Variants in CLTC observed in about 807,000 individuals in gnomAD.
CLTC encodes the protein clathrin heavy chain 1.
In CLTC, 16 loss-of-function variants were observed where a neutral mutation model predicts 195.8. The observed-to-expected ratio is 0.08, with a 90% confidence interval of 0.06 to 0.12. The LOEUF (loss-of-function observed/expected upper bound fraction) is 0.12. CLTC is among the 10% of genes least tolerant of loss of function. The pLI is 1.00. For synonymous variants in CLTC, 667 were observed against 689.4 expected (o/e 0.97, Z 0.51); for missense variants, 796 against 2,027.0 (o/e 0.39, Z 11.66).
chr17:59,654,650 C>A (rs1466505890), intron 5 of CLTC, among the ~76,000 whole-genome samples: 1 of 152,024 alleles, frequency 6.6e-6, no homozygotes, highest in Non-Finnish European at 1.5e-5. Context: ...TGGCTAATTT[C>A]TTCCGTATTT....
rs2033119700 is a variant in CLTC at position 59,683,548 on chromosome 17, C to A, written c.4191+12C>A. On this transcript the variant is annotated intron_variant, in intron 26 of 31. Transcript: ENST00000269122. The surrounding 1 kb of genome is among the most constrained non-coding windows in gnomAD (Gnocchi z 6.1). ...ATATCATTACCAAGGTGTGTACTTT[C>A]TTCAGAAGATAAAGGATTCAGAAGG... The A allele has an allele frequency of 6.2e-7, 1 of 1,613,050 alleles. No individual in the cohort carries two copies. Among genetic ancestry groups the A allele is most frequent in the Non-Finnish European group, 8.5e-7 (1 of 1,179,518 alleles).
At chr17:59,673,802 T>A (rs772093176) in intron 15 of CLTC, 30 bp downstream of exon 15, 2 of 998,518 alleles carry the variant, frequency 2.0e-6, no homozygotes, top group South Asian at 2.8e-5. Context: ...TGTAAAGGTA[T>A]AATCTTACTA....
intron 13 of CLTC, 60 bp from the exon 14 acceptor site, chr17:59,668,717 G>A: frequency 7.0e-7 from 1 of 1,419,938 alleles, no homozygotes; most frequent in Non-Finnish European, 9.5e-7. Context: ...TTACATAAAT[G>A]TTTTTCAGTC....
At chr17:59,668,082 T>C (rs2032770574) in intron 13 of CLTC, among the ~76,000 whole-genome samples, 1 of 152,224 alleles carries the variant, frequency 6.6e-6, no homozygotes, top group Admixed American at 6.5e-5. Flanking sequence ...TCTAGCCACA[T>C]TTCAAGTGCT....
chr17:59,656,497 C>T (rs932498022), intron 6 of CLTC, among the ~76,000 whole-genome samples: 8 of 151,992 alleles, frequency 5.3e-5, no homozygotes, highest in Non-Finnish European at 1.2e-4. Context: ...CTTAATTAAG[C>T]ATTACTATTA....
At chr17:59,690,905 A>C (rs74472436) in intron 31 of CLTC, 194 bp downstream of exon 31, 17 of 424,872 alleles carry the variant, frequency 4.0e-5, no homozygotes, top group Non-Finnish European at 7.1e-5. Flanking sequence ...ATAATCTTAA[A>C]TACAAGAAAA....
chr17:59,666,017 C>G lies in CLTC; in HGVS notation c.1645-86C>G. ...GTTTATATTGTCCAAATAAAATTCT[C>G]AGGTAAAGAAAGAGTTCATGCATAA... On this transcript the variant is annotated intron_variant, in intron 10 of 31. Coordinates refer to ENST00000269122, the MANE Select transcript of CLTC (RefSeq NM_004859.4). This position sits in a 1 kb window ranked among gnomAD's most constrained non-coding sequence, Gnocchi z 4.9. 1.0e-6 allele frequency: 1 copy of G among 990,778 alleles called. No individual in the cohort carries two copies. The highest frequency in any genetic ancestry group is 1.5e-6 in the Non-Finnish European group (1 of 670,944). The allele number at this position is 990,778 out of a possible 1,614,324, so 61.4% of individuals were successfully genotyped here. A position where few individuals can be genotyped will look rare whatever the true frequency, so the allele number is the denominator to read the frequency against.
At chr17:59,665,764 C>T (rs546282349) in intron 10 of CLTC, among the ~76,000 whole-genome samples, 9 of 152,024 alleles carry the variant, frequency 5.9e-5, no homozygotes, top group South Asian at 4.2e-4. Flanking sequence ...CGCTTGAACC[C>T]GGGAGGTGGA....
intron 16 of CLTC, 105 bp downstream of exon 16, chr17:59,674,948 A>T: frequency 8.6e-7 from 1 of 1,168,730 alleles, no homozygotes; most frequent in Non-Finnish European, 1.2e-6. Context: ...CACATGGAGA[A>T]TAATTTCCTG....
rs1455967423 is a variant in CLTC, at chr17:59,648,902, C to T, written c.681+501C>T. ...TAGAGACAGGGTCTCACTATACTGC[C>T]CAGGCTGGTCTCAAACCTCTGGGTC... On this transcript the variant is annotated intron_variant, in intron 4 of 31. Coordinates refer to ENST00000269122, the MANE Select transcript of CLTC (RefSeq NM_004859.4). This position sits in a 1 kb window ranked among gnomAD's most constrained non-coding sequence, Gnocchi z 4.5. Among the ~76,000 whole-genome samples the T allele has an allele frequency of 6.6e-6, 1 of 152,086 alleles. No homozygotes were observed. Among genetic ancestry groups the T allele is most frequent in the Non-Finnish European group, 1.5e-5 (1 of 68,012 alleles).
Position 59,681,073 on chromosome 17 carries a change from G to A in CLTC, c.3065+16G>A. On this transcript the variant is annotated intron_variant, in intron 19 of 31. Coordinates refer to ENST00000269122, the MANE Select transcript of CLTC (RefSeq NM_004859.4). The surrounding 1 kb of genome is among the most constrained non-coding windows in gnomAD (Gnocchi z 5.0). ...GTGAACACAGGTATGCTTTCAGAGG[G>A]ATCCATTGGCTATTTATAGTCAGTC... 6.2e-7 allele frequency: 1 copy of A among 1,611,204 alleles called. No homozygotes were observed. The highest frequency in any genetic ancestry group is 1.7e-5 in the Admixed American group (1 of 59,422).
Position 59,679,510 on chromosome 17 carries a change from A to G in CLTC, c.2910A>G (p.Leu970=). Residue 970 remains leucine, a synonymous_variant, in exon 18 of 32, where the codon CTA becomes CTG. Transcript: ENST00000269122. ...AAAGCAATCCTTACAGGAGACCCCT[A>G]ATTGACCAGGTAACATTGGCAAATG... The part of the protein sequence containing the change: ...LLESNPYRRP[L]IDQVVQTALS... 5.7e-6 allele frequency: 9 copies of G among 1,592,322 alleles called. No individual in the cohort carries two copies. Among genetic ancestry groups the G allele is most frequent in the Non-Finnish European group, 7.7e-6 (9 of 1,168,270 alleles).
chr17:59,670,217 T>TA (rs1456889639), intron 14 of CLTC, among the ~76,000 whole-genome samples: 14 of 151,328 alleles, frequency 9.3e-5, no homozygotes, highest in African/African-American at 2.7e-4. Context: ...CTATTTCCTT[T>TA]AAAAAAAACA....
At chr17:59,633,018 A>G (rs1446902089) in intron 1 of CLTC, among the ~76,000 whole-genome samples, 1 of 152,026 alleles carries the variant, frequency 6.6e-6, no homozygotes, top group Non-Finnish European at 1.5e-5. Context: ...TTGAAAGCAA[A>G]TCATGGTGGT....
At chr17:59,667,313 C>T (rs1528489) in intron 13 of CLTC, among the ~76,000 whole-genome samples, 134,592 of 152,180 alleles carry the variant, frequency 0.88, 59,810 homozygotes, top group African/African-American at 0.96. Flanking sequence ...TCCAAAACTT[C>T]TTGAGCACCA....
At chr17:59,623,085 T>C (rs1361917762) in intron 1 of CLTC, among the ~76,000 whole-genome samples, 1 of 152,226 alleles carries the variant, frequency 6.6e-6, no homozygotes, top group African/African-American at 2.4e-5. Flanking sequence ...TTTTCAATTT[T>C]CTGGCACATT....
chr17:59,649,333 T>C (rs1028166711), intron 4 of CLTC, among the ~76,000 whole-genome samples: 8 of 152,220 alleles, frequency 5.3e-5, no homozygotes, highest in Admixed American at 4.6e-4. Context: ...GGAAATTCGA[T>C]TTGACTACTA....
At chr17:59,676,005 A>C (rs2032957385) in intron 16 of CLTC, among the ~76,000 whole-genome samples, 1 of 152,206 alleles carries the variant, frequency 6.6e-6, no homozygotes, top group South Asian at 2.1e-4. Flanking sequence ...AATAACGAAT[A>C]ATGCTTTTTC....
In CLTC at chr17:59,679,507, C is replaced by A. The variant is rs1045938428; in HGVS notation, c.2907C>A (p.Pro969=). 3 of 1,592,108 alleles carry A rather than the reference C, an allele frequency of 1.9e-6. No individual in the cohort carries two copies. In the African/African-American group the frequency reaches 4.0e-5, roughly 21 times the overall value. ...TGGAAAGCAATCCTTACAGGAGACC[C>A]CTAATTGACCAGGTAACATTGGCAA... is the stretch of plus-strand genomic sequence containing the variant. The part of the protein sequence containing the change: ...VLLESNPYRR[P]LIDQVVQTAL... The change falls in exon 18 of 32, where the codon CCC becomes CCA. Residue 969 remains proline, a synonymous_variant. Transcript: ENST00000269122.
Sources: gnomAD v4.1 joint callset for allele counts (sites outside exome capture counted in the v4.1 genomes callset) on GRCh38, gnomAD v4.1.1 for gene constraint, Gnocchi (gnomAD v3.1) non-coding constraint, MANE v1.5 for transcripts, NCBI Gene and HGNC (gene_info 2026-07-23, HGNC 2026-07-21) for gene names.